The following HDAC9 variants were observed in gnomAD, a reference collection of about 807,000 sequenced individuals.
The protein encoded by HDAC9 is histone deacetylase 9.
A neutral mutation model predicts 139.4 loss-of-function variants in HDAC9; 41 were observed. The observed-to-expected ratio is 0.29, with a 90% CI of 0.23 to 0.38. HDAC9 has a LOEUF of 0.38. Among genes scored for constraint, HDAC9 ranks in the 10% least tolerant of loss-of-function variants. The pLI, the probability that HDAC9 is intolerant of heterozygous loss-of-function variation, is 1.00. For synonymous variants in HDAC9, 517 were observed against 476.2 expected (o/e 1.09, Z -1.12); for missense variants, 1,147 against 1,297.0 (o/e 0.88, Z 1.78).
chr7:18,161,523 A>G (rs1295946321), intron 1 of HDAC9, among the ~76,000 whole-genome samples: 1 of 152,154 alleles, frequency 6.6e-6, no homozygotes, highest in Non-Finnish European at 1.5e-5. Context: ...CATTCCAGTA[A>G]ACTCTTAGGA....
intron 1 of HDAC9, among the ~76,000 whole-genome samples, chr7:18,348,467 T>C (rs1265269723): frequency 6.6e-6 from 1 of 152,160 alleles, no homozygotes. Flanking sequence ...CAATTAGATA[T>C]GCCCCAAGAA....
intron 3 of HDAC9, among the ~76,000 whole-genome samples, chr7:18,586,310 CT>C (rs1179346096): frequency 2.6e-5 from 4 of 151,920 alleles, no homozygotes; most frequent in African/African-American, 9.7e-5. Context: ...CATCTTGCAA[CT>C]TCTTGACAAA....
intron 22 of HDAC9, among the ~76,000 whole-genome samples, chr7:18,883,749 T>C (rs985287954): frequency 6.6e-6 from 1 of 152,020 alleles, no homozygotes; most frequent in African/African-American, 2.4e-5. Flanking sequence ...AGTTAAACTG[T>C]CTCTGTTTCC....
At chr7:18,451,387 G>GTGTGTGTGTGTGTGTGTGTATATATA (rs1792821839) in intron 1 of HDAC9, among the ~76,000 whole-genome samples, 1 of 138,640 alleles carries the variant, frequency 7.2e-6, no homozygotes, top group Non-Finnish European at 1.6e-5. Context: ...GTGTGTGTGT[G>GTGTGTGTGTGTGTGTGTGTATATATA]TGTGTGTGTG....
intron 2 of HDAC9, among the ~76,000 whole-genome samples, chr7:18,567,721 A>G (rs941660527): frequency 9.2e-5 from 14 of 152,218 alleles, no homozygotes; most frequent in Non-Finnish European, 1.6e-4. Context: ...AACTACCAGA[A>G]CTATCTTGCA....
chr7:18,112,175 C>T (rs539501477), intron 1 of HDAC9, among the ~76,000 whole-genome samples: 1 of 152,234 alleles, frequency 6.6e-6, no homozygotes, highest in East Asian at 1.9e-4. Context: ...ATGTACTATA[C>T]AATGGTGTAC....
intron 22 of HDAC9, among the ~76,000 whole-genome samples, chr7:18,895,973 A>G (rs1409241900): frequency 2.0e-5 from 3 of 152,142 alleles, no homozygotes; most frequent in Non-Finnish European, 2.9e-5. Flanking sequence ...CTATACAAGC[A>G]TAAAGAAAAC....
chr7:18,818,637 T>G (rs909774939), intron 17 of HDAC9, among the ~76,000 whole-genome samples: 2 of 152,194 alleles, frequency 1.3e-5, no homozygotes, highest in South Asian at 2.1e-4. Context: ...GCTCATTGCT[T>G]AGTGTTTGTT....
intron 2 of HDAC9, among the ~76,000 whole-genome samples, chr7:18,225,442 C>G (rs1044343350): frequency 6.6e-6 from 1 of 152,090 alleles, no homozygotes; most frequent in African/African-American, 2.4e-5. Flanking sequence ...GAATGTTTTT[C>G]TTTTTGTCAT....
rs372894394 is a variant in HDAC9 at position 18,597,122 on chromosome 7, C to T, written c.664+3093C>T. Among the ~76,000 whole-genome samples the T allele has an allele frequency of 5.9e-5, 9 of 152,168 alleles. No homozygotes were observed. The East Asian group carries it at 1.4e-3, about 23-fold the overall frequency. ...TCCCCTTAGGAGAATGATAGTTGCTCCTAGAATTTGGGCATTTTAGAAACA... is the reference window on the plus strand; with the variant it reads ...TCCCCTTAGGAGAATGATAGTTGCTTCTAGAATTTGGGCATTTTAGAAACA... On this transcript the variant is annotated intron_variant, in intron 6 of 25. Transcript: ENST00000686413.
intron 2 of HDAC9, among the ~76,000 whole-genome samples, chr7:18,222,763 C>T (rs1315740137): frequency 6.6e-6 from 1 of 152,042 alleles, no homozygotes; most frequent in African/African-American, 2.4e-5. Context: ...TCTATTTCCC[C>T]TTCAGTAATG....
At chr7:18,416,886 A>G (rs1003202970) in intron 1 of HDAC9, among the ~76,000 whole-genome samples, 3 of 152,154 alleles carry the variant, frequency 2.0e-5, no homozygotes, top group African/African-American at 7.2e-5. Context: ...GTAAATTTGT[A>G]AAATAATTTC....
At position 18,121,800 on chromosome 7, in the gene HDAC9, C is replaced by G. The variant is rs547808680; in HGVS notation, c.-97+34587C>G. On this transcript the variant is annotated intron_variant, in intron 1 of 12. Transcript: ENST00000417496. The stretch of plus-strand genomic sequence containing the variant: ...ATAATAACTACATTCTTTTTACAGG[C>G]ATTACTAATGATTGCAATTTATTTT... 5.3e-5 allele frequency among the ~76,000 whole-genome samples: 8 copies of G among 151,388 alleles called. No individual in the cohort carries two copies. The South Asian group carries it at 1.7e-3, about 32-fold the overall frequency.
At chr7:18,108,187 T>A (rs1413452501) in intron 1 of HDAC9, among the ~76,000 whole-genome samples, 2 of 152,102 alleles carry the variant, frequency 1.3e-5, no homozygotes, top group African/African-American at 4.8e-5. Flanking sequence ...ATACCCAGAG[T>A]TTCCAACTGC....
intron 17 of HDAC9, among the ~76,000 whole-genome samples, chr7:18,826,223 G>T (rs1176044449): frequency 6.6e-6 from 1 of 152,128 alleles, no homozygotes; most frequent in Non-Finnish European, 1.5e-5. Context: ...TATTGTGGGG[G>T]TAGGTGCAGT....
chr7:18,844,714 A>G (rs1370538776), intron 21 of HDAC9, among the ~76,000 whole-genome samples: 1 of 152,220 alleles, frequency 6.6e-6, no homozygotes, highest in Non-Finnish European at 1.5e-5. Context: ...TTCAAACCCA[A>G]GAGCAAGAAT....
chr7:18,261,120 T>A (rs780231097), intron 2 of HDAC9, among the ~76,000 whole-genome samples: 5 of 150,344 alleles, frequency 3.3e-5, no homozygotes, highest in African/African-American at 4.9e-5. Context: ...CCGGGCAACA[T>A]AACGAAACCA....
chr7:18,848,420 G>T (rs1224769105), intron 21 of HDAC9, among the ~76,000 whole-genome samples: 1 of 152,026 alleles, frequency 6.6e-6, no homozygotes, highest in Non-Finnish European at 1.5e-5. Context: ...GGCAATTAGG[G>T]TTAGATGGAA....
chr7:18,427,152 T>C (rs377192314), intron 1 of HDAC9, among the ~76,000 whole-genome samples: 2 of 152,324 alleles, frequency 1.3e-5, no homozygotes, highest in South Asian at 4.1e-4. Flanking sequence ...AACACCCTAA[T>C]ATGCTTTGCC....
Sources: gnomAD v4.1 joint callset for allele counts (sites outside exome capture counted in the v4.1 genomes callset) on GRCh38, gnomAD v4.1.1 for gene constraint, MANE v1.5 for transcripts, NCBI Gene and HGNC (gene_info 2026-07-23, HGNC 2026-07-21) for gene names.